The following FCRL6 variants were observed in gnomAD, a reference collection of about 807,000 sequenced individuals.
FCRL6 encodes Fc receptor like 6.
In FCRL6, 50 loss-of-function variants were observed where a neutral mutation model predicts 49.1. That is an observed-to-expected ratio of 1.02 (90% confidence interval 0.81 to 1.29). The LOEUF (loss-of-function observed/expected upper bound fraction) is 1.29, where lower values mean the gene tolerates loss of function less well. Ranked by LOEUF, FCRL6 falls within the 50% of genes most tolerant of loss-of-function variation. The pLI is 0.00. For missense variants in FCRL6, 571 were observed against 518.5 expected, an observed-to-expected ratio of 1.10 and a Z score of -0.98; for synonymous variants, 213 against 199.6, an observed-to-expected ratio of 1.07 and a Z score of -0.57.
intron 2 of FCRL6, among the ~76,000 whole-genome samples, chr1:159,807,298 C>A (rs1662755721): frequency 6.6e-6 from 1 of 152,144 alleles, no homozygotes; most frequent in South Asian, 2.1e-4. Flanking sequence ...GCTGGGGCTC[C>A]CTAACTGTTA....
intron 1 of FCRL6, among the ~76,000 whole-genome samples, chr1:159,806,176 A>G (rs574956124): frequency 3.3e-5 from 5 of 152,364 alleles, no homozygotes; most frequent in South Asian, 2.1e-4. Context: ...TCAAATAGTG[A>G]TAAGTGTTTT....
In FCRL6 at chr1:159,815,770, C is replaced by G; in HGVS notation, c.*109C>G. The G allele has an allele frequency of 2.9e-6, 4 of 1,376,026 alleles. No homozygotes were observed. The highest frequency in any genetic ancestry group is 4.0e-6 in the Non-Finnish European group (4 of 994,800). The allele number at this position is 1,376,026 out of a possible 1,614,324, so 85.2% of individuals were successfully genotyped here. ...TGGGTCCTTCAGTTCCCAAGCCCAG[C>G]ATCACAGAGCCCCCTGAGCCCTTGT... On this transcript the variant is annotated 3_prime_UTR_variant, in exon 10 of 10. Transcript: ENST00000368106.
intron 6 of FCRL6, among the ~76,000 whole-genome samples, chr1:159,811,142 T>C (rs1446929773): frequency 6.6e-6 from 1 of 152,242 alleles, no homozygotes; most frequent in African/African-American, 2.4e-5. Flanking sequence ...CTTCTTCCTG[T>C]CACAGTCGTG....
At chr1:159,800,750 G>A, upstream of FCRL6, 1 of 733,156 alleles carries the variant, frequency 1.4e-6, no homozygotes, top group Admixed American at 2.4e-5. Flanking sequence ...ACAATCTAGG[G>A]CAAGAAAACT....
chr1:159,812,705 A>G (rs538802621), intron 6 of FCRL6, among the ~76,000 whole-genome samples: 4 of 152,214 alleles, frequency 2.6e-5, no homozygotes, highest in Non-Finnish European at 5.9e-5. Context: ...TCTTGATTTT[A>G]CAGAAGGAGC....
chr1:159,806,445 T>C, intron 1 of FCRL6, 151 bp from the exon 2 acceptor site: 2 of 751,522 alleles, frequency 2.7e-6, no homozygotes, highest in Admixed American at 3.5e-5. Flanking sequence ...GGTTGGATGG[T>C]TGGATGGCTG....
chr1:159,814,985 T>G (rs1216807437), intron 8 of FCRL6, among the ~76,000 whole-genome samples: 1 of 152,206 alleles, frequency 6.6e-6, no homozygotes, highest in Non-Finnish European at 1.5e-5. Context: ...CTGTAAGTTG[T>G]TAGGAATAGA....
At chr1:159,812,066 T>G (rs753031989) in intron 6 of FCRL6, among the ~76,000 whole-genome samples, 1 of 152,218 alleles carries the variant, frequency 6.6e-6, no homozygotes, top group Non-Finnish European at 1.5e-5. Flanking sequence ...CCTCTTGATG[T>G]AGAGATTATA....
intron 1 of FCRL6, among the ~76,000 whole-genome samples, chr1:159,804,958 C>T (rs1662581630): frequency 1.3e-5 from 2 of 152,138 alleles, no homozygotes; most frequent in African/African-American, 4.8e-5. Flanking sequence ...TTCACAACTA[C>T]ACTGTAAGAA....
chr1:159,803,087 G>A (rs1051592176), intron 1 of FCRL6, among the ~76,000 whole-genome samples: 1 of 152,184 alleles, frequency 6.6e-6, no homozygotes, highest in African/African-American at 2.4e-5. Context: ...CAGATCCATG[G>A]GGCTGGTTTG....
upstream of FCRL6, among the ~76,000 whole-genome samples, chr1:159,800,949 C>T (rs1242241838): frequency 6.6e-6 from 1 of 152,136 alleles, no homozygotes; most frequent in East Asian, 1.9e-4. Flanking sequence ...TCACTTGAAC[C>T]TGGGAGGCGG....
upstream of FCRL6, among the ~76,000 whole-genome samples, chr1:159,801,271 A>G (rs998366185): frequency 3.3e-5 from 5 of 152,242 alleles, no homozygotes; most frequent in Admixed American, 1.3e-4. Flanking sequence ...ACATTTACCC[A>G]GGAGTGAAAA....
chr1:159,806,735 A>T, intron 2 of FCRL6, 119 bp downstream of exon 2: 2 of 1,017,734 alleles, frequency 2.0e-6, no homozygotes, highest in Non-Finnish European at 3.1e-6. Context: ...GCACCAGACT[A>T]GGCCCCTTCC....
chr1:159,807,923 G>A (rs6666518), intron 2 of FCRL6, among the ~76,000 whole-genome samples: 3,985 of 151,886 alleles, frequency 0.026, 181 homozygotes, highest in African/African-American at 0.091. Context: ...GGAGAGGAAA[G>A]AAGGGGAGGG....
chr1:159,815,470 A>G lies in FCRL6; in HGVS notation c.1179+11A>G. 6.2e-7 allele frequency: 1 copy of G among 1,614,030 alleles called. No homozygotes were observed. The highest frequency in any genetic ancestry group is 8.5e-7 in the Non-Finnish European group (1 of 1,179,928). The stretch of plus-strand genomic sequence containing the variant: ...ACCGTGGGGAGAAAGGTGAGCTGGG[A>G]TCCCTGCTCCTTTCTCACCCTCTCT... On this transcript the variant is annotated intron_variant, in intron 9 of 9. Coordinates refer to ENST00000368106, the MANE Select transcript of FCRL6 (RefSeq NM_001004310.3).
upstream of FCRL6, chr1:159,800,516 A>ACC: frequency 7.8e-7 from 1 of 1,282,160 alleles, no homozygotes; most frequent in Non-Finnish European, 1.1e-6. Flanking sequence ...GACTCCACAC[A>ACC]CCCACAGGAC....
At position 159,814,620 on chromosome 1, in the gene FCRL6, T is replaced by C. The variant is rs1663282535; in HGVS notation, c.1147+328T>C. Reference sequence around the variant, plus strand: ...TGTTACCATGATAAGTGCAGGGAGTTTTTTGCCCTTTCCTGAACAATGTGA... The same window carrying C: ...TGTTACCATGATAAGTGCAGGGAGTCTTTTGCCCTTTCCTGAACAATGTGA... On this transcript the variant is annotated intron_variant, in intron 8 of 9. Coordinates refer to ENST00000368106, the MANE Select transcript of FCRL6 (RefSeq NM_001004310.3). 2.0e-5 allele frequency among the ~76,000 whole-genome samples: 3 copies of C among 152,130 alleles called. No homozygotes were observed. The South Asian group carries it at 6.2e-4, about 32-fold the overall frequency.
At chr1:159,810,931 G>A (rs1361963010) in intron 6 of FCRL6, among the ~76,000 whole-genome samples, 1 of 152,128 alleles carries the variant, frequency 6.6e-6, no homozygotes, top group Admixed American at 6.5e-5. Flanking sequence ...GGCACATAGT[G>A]GGTGCTCAGT....
chr1:159,813,669 G>A, intron 7 of FCRL6, 115 bp downstream of exon 7: 2 of 900,824 alleles, frequency 2.2e-6, no homozygotes, highest in Non-Finnish European at 1.8e-6. Flanking sequence ...AGTGATCTGG[G>A]GAAGGAAAAC....
Sources: gnomAD v4.1 joint callset for allele counts (sites outside exome capture counted in the v4.1 genomes callset) on GRCh38, gnomAD v4.1.1 for gene constraint, MANE v1.5 for transcripts, NCBI Gene and HGNC (gene_info 2026-07-23, HGNC 2026-07-21) for gene names.